RSL24D1: variants seen among roughly 807,000 people sequenced by gnomAD.
RSL24D1 encodes the protein probable ribosome biogenesis protein RLP24.
RSL24D1 carries 6 observed loss-of-function variants against 26.2 expected under a neutral mutation model. The observed-to-expected ratio is 0.23, with a 90% confidence interval of 0.13 to 0.45. RSL24D1 has a LOEUF of 0.45. Among genes scored for constraint, RSL24D1 ranks in the 20% least tolerant of loss-of-function variants. The probability of loss-of-function intolerance (pLI) is 0.99; values close to 1 mark genes in which losing one functional copy is unlikely to be tolerated. For missense variants in RSL24D1, 176 were observed against 202.6 expected (o/e 0.87, Z 0.80); for synonymous variants, 61 against 59.1 (o/e 1.03, Z -0.15).
Position 55,181,927 on chromosome 15 carries a change from A to G in RSL24D1, c.*225T>C. 2.2e-6 allele frequency: 1 copy of G among 449,032 alleles called. No homozygotes were observed. Among genetic ancestry groups the G allele is most frequent in the South Asian group, 4.1e-5 (1 of 24,176 alleles). The allele number at this position is 449,032 out of a possible 1,614,324, so 27.8% of individuals were successfully genotyped here. Reference sequence around the variant, plus strand: ...ACAATTCACTTCTATAGTTACAAGTAGAATTTTCATGATTTACTTAAGTAC... The same window carrying G: ...ACAATTCACTTCTATAGTTACAAGTGGAATTTTCATGATTTACTTAAGTAC... On this transcript the variant is annotated 3_prime_UTR_variant, in exon 6 of 6. Transcript: ENST00000260443.
At chr15:55,184,766 C>T (rs896206043) in intron 4 of RSL24D1, among the ~76,000 whole-genome samples, 1 of 152,096 alleles carries the variant, frequency 6.6e-6, no homozygotes, top group African/African-American at 2.4e-5. Context: ...ATGTGCTTCC[C>T]GATATGATGC....
chr15:55,194,881 G>C (rs1894337620), intron 1 of RSL24D1, among the ~76,000 whole-genome samples: 1 of 151,234 alleles, frequency 6.6e-6, no homozygotes, highest in Admixed American at 6.6e-5. Flanking sequence ...TTTGATATTG[G>C]GCATGGTGGT....
At chr15:55,194,072 G>A (rs574957841) in intron 1 of RSL24D1, 2 of 152,046 alleles carry the variant, frequency 1.3e-5, no homozygotes, top group South Asian at 2.1e-4. Context: ...CTAATGGGAG[G>A]ACTAAATTTG....
In RSL24D1 at chr15:55,181,906, T is replaced by C. The variant is rs906908306; in HGVS notation, c.*246A>G. The C allele has an allele frequency of 5.2e-6, 2 of 388,244 alleles. No individual in the cohort carries two copies. The highest frequency in any genetic ancestry group is 4.1e-5 in the African/African-American group (2 of 49,142). 24.0% of individuals were successfully genotyped at this position (388,244 alleles called of 1,614,324 possible). The stretch of plus-strand genomic sequence containing the variant: ...TAGCACAACCATTTTACGTCCACAA[T>C]TCACTTCTATAGTTACAAGTAGAAT... On this transcript the variant is annotated 3_prime_UTR_variant, in exon 6 of 6. Transcript: ENST00000260443.
chr15:55,182,626 T>C (rs140959292), intron 5 of RSL24D1, among the ~76,000 whole-genome samples: 1 of 152,310 alleles, frequency 6.6e-6, no homozygotes, highest in African/African-American at 2.4e-5. Context: ...TAGATAACAA[T>C]GGTTCATTTC....
chr15:55,180,911 T>G lies in RSL24D1; in HGVS notation c.*1241A>C, dbSNP rs1368063035. 6.6e-6 allele frequency: 1 copy of G among 152,128 alleles called. No homozygotes were observed. The highest frequency in any genetic ancestry group is 2.4e-5 in the African/African-American group (1 of 41,410). 9.4% of individuals were successfully genotyped at this position (152,128 alleles called of 1,614,324 possible). On this transcript the variant is annotated 3_prime_UTR_variant, in exon 6 of 6. Coordinates refer to ENST00000260443, the MANE Select transcript of RSL24D1 (RefSeq NM_016304.3). ...TCACATGTATCATTTCCCCTAATCTTCAATCAATAATATTATTTACAAATA... is the reference window on the plus strand; with the variant it reads ...TCACATGTATCATTTCCCCTAATCTGCAATCAATAATATTATTTACAAATA...
chr15:55,189,595 A>AT (rs1042004070), intron 3 of RSL24D1, among the ~76,000 whole-genome samples: 41 of 151,932 alleles, frequency 2.7e-4, no homozygotes, highest in African/African-American at 7.7e-4. Context: ...ACATAAAGAG[A>AT]TTTTTTTTGC....
Position 55,181,917 on chromosome 15 carries a change from A to G in RSL24D1, c.*235T>C. ...TTTTACGTCCACAATTCACTTCTAT[A>G]GTTACAAGTAGAATTTTCATGATTT... On this transcript the variant is annotated 3_prime_UTR_variant, in exon 6 of 6. Coordinates refer to ENST00000260443, the MANE Select transcript of RSL24D1 (RefSeq NM_016304.3). 2.3e-6 allele frequency: 1 copy of G among 428,632 alleles called. No individual in the cohort carries two copies. Among genetic ancestry groups the G allele is most frequent in the East Asian group, 3.7e-5 (1 of 27,396 alleles). 26.6% of individuals were successfully genotyped at this position (428,632 alleles called of 1,614,324 possible). A position where few individuals can be genotyped will look rare whatever the true frequency, so the allele number is the denominator to read the frequency against.
chr15:55,188,852 C>T (rs1400344195), intron 3 of RSL24D1, among the ~76,000 whole-genome samples: 1 of 152,062 alleles, frequency 6.6e-6, no homozygotes. Flanking sequence ...GTAATAATAA[C>T]AACAACAAAG....
At chr15:55,189,045 T>C (rs1894261023) in intron 3 of RSL24D1, among the ~76,000 whole-genome samples, 1 of 151,928 alleles carries the variant, frequency 6.6e-6, no homozygotes, top group South Asian at 2.1e-4. Context: ...ACAAAAAAAT[T>C]AGCCGGGCGT....
At chr15:55,192,298 T>G (rs1894306700) in intron 2 of RSL24D1, 1 of 155,310 alleles carries the variant, frequency 6.4e-6, no homozygotes, top group Non-Finnish European at 1.4e-5. Context: ...CCCTGACTTC[T>G]CTCTAGTTCT....
rs376154056 is a variant in RSL24D1, at chr15:55,183,300, C to T, written c.418+15G>A. On this transcript the variant is annotated intron_variant, in intron 5 of 5. Transcript: ENST00000260443. ...CACAGACCACAAAAATCTAGATGTGCAATGTAGTACTCACCTGCAAGAGGG... is the reference window on the plus strand; with the variant it reads ...CACAGACCACAAAAATCTAGATGTGTAATGTAGTACTCACCTGCAAGAGGG... 1.2e-6 allele frequency: 2 copies of T among 1,600,734 alleles called. No homozygotes were observed. Among genetic ancestry groups the T allele is most frequent in the Non-Finnish European group, 1.7e-6 (2 of 1,172,184 alleles).
rs539153883 is a variant in RSL24D1, at chr15:55,182,230, A to G, written c.419-5T>C. On this transcript the variant is annotated splice_region_variant and splice_polypyrimidine_tract_variant and intron_variant, in intron 5 of 5. Coordinates refer to ENST00000260443, the MANE Select transcript of RSL24D1 (RefSeq NM_016304.3). ...CTTCCAACTGTTTCCCTTTGCCTTT[A>G]ATAAAAATAAGTAAAAAATAAACAA... 22 of 1,573,516 alleles carry G rather than the reference A, an allele frequency of 1.4e-5. No homozygotes were observed. In the South Asian group the frequency reaches 2.2e-4, roughly 16 times the overall value.
Position 55,183,389 on chromosome 15 carries a change from T to G in RSL24D1, c.344A>C (p.Asn115Thr), listed in dbSNP as rs774377773. ...ATCCTGAACTTTCTGTAGCTCTTTATTTTTCTTCAATCTACAACAAAACAT... is the reference window on the plus strand; with the variant it reads ...ATCCTGAACTTTCTGTAGCTCTTTAGTTTTCTTCAATCTACAACAAAACAT... Reference protein sequence around the residue: ...AKFIMNRLKKNKELQKVQDIK... With the variant: ...AKFIMNRLKKTKELQKVQDIK... Residue 115 changes from asparagine to threonine, a missense_variant, in exon 5 of 6, where the codon AAT (asparagine) becomes ACT (threonine). Asn to Thr is a moderately conservative substitution (Grantham distance 65). Transcript: ENST00000260443. 1.2e-6 allele frequency: 2 copies of G among 1,612,264 alleles called. No individual in the cohort carries two copies. Among genetic ancestry groups the G allele is most frequent in the African/African-American group, 2.7e-5 (2 of 74,864 alleles).
intron 3 of RSL24D1, among the ~76,000 whole-genome samples, chr15:55,188,208 G>C (rs1226377183): frequency 6.6e-6 from 1 of 152,150 alleles, no homozygotes; most frequent in Non-Finnish European, 1.5e-5. Flanking sequence ...GAATCTCTTA[G>C]AAGAATAATA....
chr15:55,196,886 C>T lies in RSL24D1; in HGVS notation c.5G>A (p.Arg2His). The T allele has an allele frequency of 6.2e-7, 1 of 1,614,158 alleles. No homozygotes were observed. The highest frequency in any genetic ancestry group is 8.5e-7 in the Non-Finnish European group (1 of 1,180,000). Reference protein sequence around the residue: MRIEKCYFCSGP... With the variant: MHIEKCYFCSGP... ...CGAACAGAAATAACACTTTTCGATA[C>T]GCATGTTGAACCCGCGTGTAACCCC... The change falls in exon 1 of 6, where the codon CGT becomes CAT. Residue 2 changes from arginine (R) to histidine (H), a missense_variant. By Grantham distance (29) the Arg-to-His change is conservative (BLOSUM62 0). This residue lies in a region of RSL24D1 where 44 missense variants were observed against 28.8 expected (regional missense o/e 1.53). Transcript: ENST00000260443.
At chr15:55,195,128 T>C (rs1894341358) in intron 1 of RSL24D1, among the ~76,000 whole-genome samples, 1 of 151,482 alleles carries the variant, frequency 6.6e-6, no homozygotes, top group Admixed American at 6.6e-5. Context: ...GACACCACTA[T>C]CTTTGCAGAG....
chr15:55,189,054 G>C (rs962579816), intron 3 of RSL24D1, among the ~76,000 whole-genome samples: 1 of 152,044 alleles, frequency 6.6e-6, no homozygotes, highest in African/African-American at 2.4e-5. Context: ...TTAGCCGGGC[G>C]TGGCGGCGTG....
At position 55,193,095 on chromosome 15, in the gene RSL24D1, A is replaced by G. The variant is rs141570092; in HGVS notation, c.82-262T>C. Among the ~76,000 whole-genome samples the G allele has an allele frequency of 1.3e-4, 20 of 152,336 alleles. 1 individual carries two copies. In the East Asian group the frequency reaches 3.5e-3, roughly 26 times the overall value. ...AGTAAAATTATTTCAAATAAAGGGA[A>G]CAGTTTTAAGTAAAGTCATTTATTT... On this transcript the variant is annotated intron_variant, in intron 1 of 5. Coordinates refer to ENST00000260443, the MANE Select transcript of RSL24D1 (RefSeq NM_016304.3).
Sources: allele counts gnomAD v4.1 joint callset (sites outside exome capture counted in the v4.1 genomes callset), GRCh38; gene constraint gnomAD v4.1.1; regional missense constraint gnomAD v4.1.1; transcripts MANE v1.5; gene names NCBI Gene and HGNC (gene_info 2026-07-23, HGNC 2026-07-21).